The following AHI1 variants were observed in gnomAD, a reference collection of about 807,000 sequenced individuals.
AHI1 encodes the protein jouberin.
A neutral mutation model predicts 149.3 loss-of-function variants in AHI1; 123 were observed. That is an observed-to-expected ratio of 0.82 (90% CI 0.71 to 0.96). The LOEUF (loss-of-function observed/expected upper bound fraction) is 0.96, where lower values mean the gene tolerates loss of function less well. Among genes scored for constraint, AHI1 ranks in the 40% least tolerant of loss-of-function variants. AHI1 has a pLI of 0.00. For missense variants in AHI1, 1,439 were observed against 1,422.7 expected, an observed-to-expected ratio of 1.01 and a Z score of -0.18; for synonymous variants, 475 against 459.8, an observed-to-expected ratio of 1.03 and a Z score of -0.42.
intron 7 of AHI1, among the ~76,000 whole-genome samples, chr6:135,464,190 A>C (rs118120930): frequency 0.014 from 2,172 of 152,296 alleles, 37 homozygotes; most frequent in Non-Finnish European, 0.018. Context: ...ATTTCAAAAA[A>C]AAAATGGGTT....
intron 14 of AHI1, among the ~76,000 whole-genome samples, chr6:135,438,790 G>T (rs1287634885): frequency 1.3e-5 from 2 of 151,850 alleles, no homozygotes; most frequent in Non-Finnish European, 2.9e-5. Context: ...TATATCAGTT[G>T]AATAATAACA....
At chr6:135,468,680 C>T (rs987778396) in intron 5 of AHI1, among the ~76,000 whole-genome samples, 1 of 152,082 alleles carries the variant, frequency 6.6e-6, no homozygotes, top group Non-Finnish European at 1.5e-5. Flanking sequence ...CCCATCGACC[C>T]CACAGAAATG....
rs1179911051 is a variant in AHI1, at chr6:135,290,501, G to A, written c.3510C>T (p.Ser1170=). The change falls in exon 28 of 29, where the codon AGC becomes AGT. Residue 1170 remains serine, a synonymous_variant. Coordinates refer to ENST00000265602, the MANE Select transcript of AHI1 (RefSeq NM_001134831.2). ...MTHSEMRKEQ[S]HEDQGHIMDT... ...CCATTATGTGTCCTTGGTCCTCATG[G>A]CTCTGTTCTTTTCTCATTTCAGAAC... 1.9e-6 allele frequency: 3 copies of A among 1,613,594 alleles called. No homozygotes were observed. Among genetic ancestry groups the A allele is most frequent in the African/African-American group, 2.7e-5 (2 of 74,844 alleles).
In AHI1 at chr6:135,459,742, A is replaced by G. The variant is rs1316985493; in HGVS notation, c.932-2029T>C. Among the ~76,000 whole-genome samples the G allele has an allele frequency of 2.5e-4, 3 of 11,940 alleles. No individual in the cohort carries two copies. In the Non-Finnish European group the frequency reaches 0.014, roughly 56 times the overall value. The allele number at this position is 11,940 out of a possible 152,430, so 7.8% of individuals were successfully genotyped here. ...GTATATCAAATAGCTGACAGAAGTA[A>G]AAAAAAAAAAAAAAAAGATTGATAA... is the stretch of plus-strand genomic sequence containing the variant. On this transcript the variant is annotated intron_variant, in intron 8 of 28. Coordinates refer to ENST00000265602, the MANE Select transcript of AHI1 (RefSeq NM_001134831.2).
chr6:135,459,318 A>G lies in AHI1; in HGVS notation c.932-1605T>C, dbSNP rs149778427. On this transcript the variant is annotated intron_variant, in intron 8 of 28. Transcript: ENST00000265602. Reference sequence around the variant, plus strand: ...AATTAGAAAATATTTTGTGTTAAATAATAAAAACACACAATATTAAAAATT... The same window carrying G: ...AATTAGAAAATATTTTGTGTTAAATGATAAAAACACACAATATTAAAAATT... 9.8e-4 allele frequency among the ~76,000 whole-genome samples: 149 copies of G among 152,328 alleles called. 2 individuals carry two copies. The East Asian group carries it at 0.024, about 25-fold the overall frequency.
chr6:135,322,112 T>G (rs1264617033), intron 25 of AHI1, among the ~76,000 whole-genome samples: 3 of 152,220 alleles, frequency 2.0e-5, no homozygotes, highest in Non-Finnish European at 4.4e-5. Flanking sequence ...CCGCCTATAC[T>G]ACATTTTGAA....
chr6:135,397,488 A>C (rs1779387482), intron 22 of AHI1, among the ~76,000 whole-genome samples: 1 of 152,076 alleles, frequency 6.6e-6, no homozygotes. Context: ...GAAAACTAAA[A>C]GCATAAAAAT....
chr6:135,411,388 G>C lies in AHI1; in HGVS notation c.2921C>G (p.Thr974Arg). Residue 974 changes from threonine (T) to arginine (R), a missense_variant, in exon 21 of 29, where the codon ACG becomes AGG. By Grantham distance (71) the Thr-to-Arg change is moderately conservative. Transcript: ENST00000265602. ...DEFVHTESSSTKMQLVKQRLE... is the reference protein window; with the variant it reads ...DEFVHTESSSRKMQLVKQRLE... ...CCTCTGTTTTACTAGCTGCATCTTC[G>C]TTGAAGAACTTTCAGTGTGGACAAA... The C allele has an allele frequency of 6.2e-7, 1 of 1,613,756 alleles. No individual in the cohort carries two copies. The highest frequency in any genetic ancestry group is 8.5e-7 in the Non-Finnish European group (1 of 1,179,748).
chr6:135,290,941 C>T (rs112864809), intron 27 of AHI1, among the ~76,000 whole-genome samples: 1 of 151,210 alleles, frequency 6.6e-6, no homozygotes, highest in African/African-American at 2.4e-5. Flanking sequence ...CACACACACA[C>T]AAAAGTATAG....
At chr6:135,480,983 C>T (rs1023211494) in intron 5 of AHI1, among the ~76,000 whole-genome samples, 2 of 152,202 alleles carry the variant, frequency 1.3e-5, no homozygotes, top group African/African-American at 4.8e-5. Flanking sequence ...CCATCCCCCC[C>T]GGCCCACTCC....
intron 17 of AHI1, among the ~76,000 whole-genome samples, 179 bp downstream of exon 17, chr6:135,431,029 C>T (rs763496796): frequency 7.2e-5 from 11 of 151,938 alleles, no homozygotes; most frequent in South Asian, 2.1e-4. Context: ...TTCACTAAGT[C>T]GTTATATCAT....
chr6:135,399,635 T>C (rs1779738069), intron 22 of AHI1, among the ~76,000 whole-genome samples: 1 of 152,106 alleles, frequency 6.6e-6, no homozygotes, highest in Non-Finnish European at 1.5e-5. Flanking sequence ...GCAGAAACAT[T>C]TGTTTTCATC....
chr6:135,330,570 C>T (rs1427575296), intron 24 of AHI1, among the ~76,000 whole-genome samples: 1 of 152,198 alleles, frequency 6.6e-6, no homozygotes, highest in Non-Finnish European at 1.5e-5. Context: ...GCTTGTTTCA[C>T]TGTGATATTC....
At chr6:135,410,493 T>G (rs1456832256) in intron 21 of AHI1, among the ~76,000 whole-genome samples, 1 of 152,178 alleles carries the variant, frequency 6.6e-6, no homozygotes, top group African/African-American at 2.4e-5. Flanking sequence ...TTCCTATGCC[T>G]AAGCAGCTGG....
chr6:135,388,078 T>G (rs752971408), intron 23 of AHI1: 4 of 1,598,254 alleles, frequency 2.5e-6, no homozygotes, highest in Non-Finnish European at 3.4e-6. Context: ...AATAAAAACA[T>G]TTTTGATTCT....
intron 5 of AHI1, among the ~76,000 whole-genome samples, chr6:135,475,839 T>G (rs1195498807): frequency 6.6e-6 from 1 of 152,226 alleles, no homozygotes; most frequent in East Asian, 1.9e-4. Context: ...TAACAGCTTT[T>G]GAGTCCTGTG....
intron 20 of AHI1, among the ~76,000 whole-genome samples, chr6:135,423,965 T>C (rs908712101): frequency 1.3e-5 from 2 of 152,102 alleles, no homozygotes; most frequent in Non-Finnish European, 2.9e-5. Flanking sequence ...ATATTTATTA[T>C]GTGTCAGTAT....
chr6:135,470,043 G>T (rs140772207), intron 5 of AHI1, among the ~76,000 whole-genome samples: 4,753 of 151,138 alleles, frequency 0.031, 225 homozygotes, highest in African/African-American at 0.1. Flanking sequence ...TACAGAATGG[G>T]AGAAAATTTT....
intron 23 of AHI1, chr6:135,387,998 A>G (rs752771214): frequency 1.2e-6 from 2 of 1,613,782 alleles, no homozygotes; most frequent in Non-Finnish European, 1.7e-6. Context: ...TTTTTCCACC[A>G]TAATATACAT....
Sources: allele counts gnomAD v4.1 joint callset (sites outside exome capture counted in the v4.1 genomes callset), GRCh38; gene constraint gnomAD v4.1.1; transcripts MANE v1.5; gene names NCBI Gene and HGNC (gene_info 2026-07-23, HGNC 2026-07-21).